The following DYRK1A variants were observed in gnomAD, a reference collection of about 807,000 sequenced individuals.
DYRK1A encodes the protein dual specificity tyrosine phosphorylation regulated kinase 1A.
DYRK1A carries 9 observed loss-of-function variants against 79.7 expected under a neutral mutation model. The ratio of observed to expected loss-of-function variants is 0.11; its 90% CI spans 0.07 to 0.20. The LOEUF (loss-of-function observed/expected upper bound fraction) is 0.20. Among genes scored for constraint, DYRK1A ranks in the 10% least tolerant of loss-of-function variants. The pLI, the probability that DYRK1A is intolerant of heterozygous loss-of-function variation, is 1.00. For synonymous variants in DYRK1A, 349 were observed against 329.7 expected (o/e 1.06, Z -0.63); for missense variants, 622 against 956.0 (o/e 0.65, Z 4.61).
rs1273616457 is a variant in DYRK1A, at chr21:37,513,258, G to A, written c.*727G>A. 6.5e-6 allele frequency: 1 copy of A among 152,756 alleles called. No individual in the cohort carries two copies. Among genetic ancestry groups the A allele is most frequent in the Non-Finnish European group, 1.5e-5 (1 of 68,164 alleles). The allele number at this position is 152,756 out of a possible 1,614,324, so 9.5% of individuals were successfully genotyped here. A position where few individuals can be genotyped will look rare whatever the true frequency, so the allele number is the denominator to read the frequency against. On this transcript the variant is annotated 3_prime_UTR_variant, in exon 12 of 12. Coordinates refer to ENST00000647188, the MANE Select transcript of DYRK1A (RefSeq NM_001347721.2). ...TGCAGAGGCCACAGGAAGATAGGAT[G>A]GAACGTGACTGGTCTCCTAACCAAG...
chr21:37,454,867 G>A (rs1351526664), intron 2 of DYRK1A, among the ~76,000 whole-genome samples: 1 of 152,118 alleles, frequency 6.6e-6, no homozygotes, highest in Non-Finnish European at 1.5e-5. Flanking sequence ...ATTGAGAAGG[G>A]CACCTTATCC....
Position 37,514,752 on chromosome 21 carries a change from C to T in DYRK1A, c.*2221C>T, listed in dbSNP as rs923474952. ...AGGTTTACAGTGAATAAAAGGATAT[C>T]ATCTTGAGTATAGCAATATCAAAAG... On this transcript the variant is annotated 3_prime_UTR_variant, in exon 12 of 12. Coordinates refer to ENST00000647188, the MANE Select transcript of DYRK1A (RefSeq NM_001347721.2). The T allele has an allele frequency of 2.0e-5, 3 of 152,526 alleles. No individual in the cohort carries two copies. Among genetic ancestry groups the T allele is most frequent in the Non-Finnish European group, 4.4e-5 (3 of 68,022 alleles). 9.4% of individuals were successfully genotyped at this position (152,526 alleles called of 1,614,324 possible). A position where few individuals can be genotyped will look rare whatever the true frequency, so the allele number is the denominator to read the frequency against.
intron 2 of DYRK1A, among the ~76,000 whole-genome samples, chr21:37,464,461 G>C (rs551671692): frequency 1.3e-5 from 2 of 152,296 alleles, no homozygotes; most frequent in African/African-American, 4.8e-5. Flanking sequence ...AGCACGTAAA[G>C]ACAGAACTCC....
At chr21:37,368,970 C>A (rs574699190) in intron 1 of DYRK1A, among the ~76,000 whole-genome samples, 1 of 151,996 alleles carries the variant, frequency 6.6e-6, no homozygotes, top group African/African-American at 2.4e-5. Context: ...CAGGCCTTTC[C>A]CCCCCCAAGA....
chr21:37,396,579 G>T (rs376752126), intron 1 of DYRK1A, among the ~76,000 whole-genome samples: 1 of 151,408 alleles, frequency 6.6e-6, no homozygotes, highest in African/African-American at 2.4e-5. Context: ...AATCTAGTCC[G>T]TAGCGTAATA....
rs1569413814 is a variant in DYRK1A, at chr21:37,519,750, T to TGTTTTTTTGTTTGTTTG, written c.*7219_*7220insGTTTTTTTGTTTGTTTG. ...TGTTGTGGGAAGTTTTTTTTTTTTT[T>TGTTTTTTTGTTTGTTTG]TTTTTTTTTGAGGCGGAGTCTCGCT... On this transcript the variant is annotated 3_prime_UTR_variant, in exon 12 of 12. Coordinates refer to ENST00000647188, the MANE Select transcript of DYRK1A (RefSeq NM_001347721.2). The TGTTTTTTTGTTTGTTTG allele has an allele frequency of 7.1e-6, 1 of 140,722 alleles. No homozygotes were observed. Among genetic ancestry groups the TGTTTTTTTGTTTGTTTG allele is most frequent in the African/African-American group, 2.9e-5 (1 of 34,080 alleles). The allele number at this position is 140,722 out of a possible 1,614,324, so 8.7% of individuals were successfully genotyped here. A position where few individuals can be genotyped will look rare whatever the true frequency, so the allele number is the denominator to read the frequency against.
intron 2 of DYRK1A, among the ~76,000 whole-genome samples, chr21:37,464,676 T>G (rs1367035345): frequency 6.6e-6 from 1 of 152,236 alleles, no homozygotes; most frequent in Non-Finnish European, 1.5e-5. Flanking sequence ...GAATAAAGAT[T>G]ATATAATACG....
chr21:37,485,639 T>G (rs2052831658), intron 5 of DYRK1A, among the ~76,000 whole-genome samples: 1 of 152,246 alleles, frequency 6.6e-6, no homozygotes, highest in African/African-American at 2.4e-5. Flanking sequence ...TGTATAATAT[T>G]ATAAATGTAA....
At chr21:37,409,479 T>C (rs1374091170) in intron 1 of DYRK1A, among the ~76,000 whole-genome samples, 1 of 152,112 alleles carries the variant, frequency 6.6e-6, no homozygotes, top group Non-Finnish European at 1.5e-5. Context: ...TAAAAACAAA[T>C]ATATTTGTCC....
intron 2 of DYRK1A, among the ~76,000 whole-genome samples, chr21:37,429,208 T>A (rs543776607): frequency 6.6e-6 from 1 of 152,204 alleles, no homozygotes; most frequent in African/African-American, 2.4e-5. Flanking sequence ...CAGGTCTGCT[T>A]TGTAGAAGGT....
At chr21:37,425,006 A>T (rs1465455410) in intron 2 of DYRK1A, among the ~76,000 whole-genome samples, 2 of 152,338 alleles carry the variant, frequency 1.3e-5, no homozygotes, top group East Asian at 3.8e-4. Context: ...TACTTGGTGG[A>T]GGAAATATAA....
intron 1 of DYRK1A, among the ~76,000 whole-genome samples, chr21:37,371,904 A>G (rs1365805626): frequency 6.6e-6 from 1 of 152,164 alleles, no homozygotes; most frequent in Non-Finnish European, 1.5e-5. Context: ...TTGAGTGTAT[A>G]ACATTTCCAA....
At chr21:37,445,380 G>A (rs548707724) in intron 2 of DYRK1A, among the ~76,000 whole-genome samples, 23 of 152,256 alleles carry the variant, frequency 1.5e-4, no homozygotes, top group African/African-American at 3.6e-4. Context: ...GGAATGTTTC[G>A]GAAAATAAGC....
At chr21:37,383,475 A>G (rs914666559) in intron 1 of DYRK1A, among the ~76,000 whole-genome samples, 1 of 152,230 alleles carries the variant, frequency 6.6e-6, no homozygotes, top group African/African-American at 2.4e-5. Context: ...GCAACTAAGA[A>G]CCTTTACTTG....
chr21:37,509,065 A>G (rs2148657694), intron 11 of DYRK1A, among the ~76,000 whole-genome samples: 1 of 152,346 alleles, frequency 6.6e-6, no homozygotes, highest in South Asian at 2.1e-4. Flanking sequence ...AGTGGTTGAT[A>G]TAGTCACATG....
At chr21:37,427,837 G>A (rs1160024929) in intron 2 of DYRK1A, among the ~76,000 whole-genome samples, 1 of 152,022 alleles carries the variant, frequency 6.6e-6, no homozygotes, top group Non-Finnish European at 1.5e-5. Context: ...ATTTACATTT[G>A]CTTGAATATT....
At chr21:37,438,017 A>G (rs2050977748) in intron 2 of DYRK1A, among the ~76,000 whole-genome samples, 1 of 152,156 alleles carries the variant, frequency 6.6e-6, no homozygotes, top group African/African-American at 2.4e-5. Flanking sequence ...TTTGGTGGTC[A>G]GCCTTTTTAA....
chr21:37,459,010 G>C (rs1030310730), intron 2 of DYRK1A, among the ~76,000 whole-genome samples: 3 of 152,188 alleles, frequency 2.0e-5, no homozygotes, highest in Non-Finnish European at 2.9e-5. Flanking sequence ...TCACTGTTTT[G>C]TGTGTGGAGG....
chr21:37,372,577 A>G (rs1234675280), intron 1 of DYRK1A, among the ~76,000 whole-genome samples: 1 of 152,202 alleles, frequency 6.6e-6, no homozygotes, highest in African/African-American at 2.4e-5. Context: ...CAGAGGCTCC[A>G]GAATCTGGCT....
Sources: allele counts gnomAD v4.1 joint callset (sites outside exome capture counted in the v4.1 genomes callset), GRCh38; gene constraint gnomAD v4.1.1; transcripts MANE v1.5; gene names NCBI Gene and HGNC (gene_info 2026-07-23, HGNC 2026-07-21).